The following PIK3C2A variants were observed in gnomAD, a reference collection of about 807,000 sequenced individuals.
PIK3C2A encodes the protein phosphatidylinositol-4-phosphate 3-kinase catalytic subunit type 2 alpha.
Under a neutral mutation model 204.5 loss-of-function variants are expected in PIK3C2A, and 97 were observed. The ratio of observed to expected loss-of-function variants is 0.47; its 90% CI spans 0.40 to 0.56. PIK3C2A has a LOEUF of 0.56. Ranked by LOEUF, PIK3C2A falls within the 20% of genes least tolerant of loss-of-function variation. The pLI is 0.00. For missense variants in PIK3C2A, 1,735 were observed against 1,969.2 expected (o/e 0.88, Z 2.25); for synonymous variants, 653 against 664.4 (o/e 0.98, Z 0.26).
chr11:17,110,633 T>A, intron 21 of PIK3C2A, 72 bp from the exon 22 acceptor site: 1 of 1,412,730 alleles, frequency 7.1e-7, no homozygotes, highest in South Asian at 1.3e-5. Flanking sequence ...CTATGAAAGC[T>A]GTAATCCCAG....
chr11:17,132,549 T>C (rs886699905), intron 11 of PIK3C2A, among the ~76,000 whole-genome samples: 17 of 151,864 alleles, frequency 1.1e-4, no homozygotes, highest in Admixed American at 1.1e-3. Flanking sequence ...CAGGATGGTC[T>C]TGATCTCCTG....
intron 20 of PIK3C2A, among the ~76,000 whole-genome samples, 163 bp from the exon 21 acceptor site, chr11:17,112,829 A>T (rs972053190): frequency 6.6e-6 from 1 of 151,066 alleles, no homozygotes; most frequent in Non-Finnish European, 1.5e-5. Flanking sequence ...TTTGTTACCC[A>T]GGCTGGAATG....
intron 1 of PIK3C2A, among the ~76,000 whole-genome samples, chr11:17,179,344 T>C (rs679201): frequency 0.24 from 35,967 of 151,944 alleles, 5,313 homozygotes; most frequent in East Asian, 0.38. Flanking sequence ...AAATTTTTTA[T>C]AGAGACAGGG....
intron 5 of PIK3C2A, chr11:17,148,444 CCTT>C (rs1273436814): frequency 2.1e-6 from 1 of 484,148 alleles, no homozygotes; most frequent in Non-Finnish European, 3.7e-6. Flanking sequence ...ACTACAAGCT[CCTT>C]AAGGGAATAC....
chr11:17,091,264 G>A lies in PIK3C2A; in HGVS notation c.4878+70C>T, dbSNP rs528174068. On this transcript the variant is annotated intron_variant, in intron 32 of 32. Coordinates refer to ENST00000691414, the MANE Select transcript of PIK3C2A (RefSeq NM_002645.4). ...AAACTTGCACATCCTGCTTACGCAC[G>A]TCAGAACTTAAAAATGAAAATTAAA... 8.7e-5 allele frequency: 123 copies of A among 1,413,472 alleles called. 2 individuals carry two copies. In the South Asian group the frequency reaches 1.2e-3, roughly 14 times the overall value. 87.6% of individuals were successfully genotyped at this position (1,413,472 alleles called of 1,614,324 possible). A position where few individuals can be genotyped will look rare whatever the true frequency, so the allele number is the denominator to read the frequency against.
chr11:17,119,271 A>T lies in PIK3C2A; in HGVS notation c.2889T>A (p.Ile963=), dbSNP rs753826499. ...TTAGCTCATCATCACTAATGGCCTC[A>T]ATCCAGGTCACAGCTAGGGATCTTA... ...QEVRSLAVTW[I]EAISDDELTD... Residue 963 remains isoleucine (I), a synonymous_variant, in exon 17 of 33, where the codon ATT becomes ATA. Coordinates refer to ENST00000691414, the MANE Select transcript of PIK3C2A (RefSeq NM_002645.4). 3.1e-6 allele frequency: 5 copies of T among 1,609,868 alleles called. No individual in the cohort carries two copies. Among genetic ancestry groups the T allele is most frequent in the Non-Finnish European group, 4.2e-6 (5 of 1,176,830 alleles).
intron 1 of PIK3C2A, among the ~76,000 whole-genome samples, chr11:17,187,139 A>G (rs545972080): frequency 7.7e-4 from 117 of 152,300 alleles, no homozygotes; most frequent in African/African-American, 2.7e-3. Flanking sequence ...CTGAAGACCT[A>G]AAGTCATGGA....
chr11:17,103,668 T>C (rs1848715567), intron 23 of PIK3C2A, among the ~76,000 whole-genome samples: 1 of 152,202 alleles, frequency 6.6e-6, no homozygotes, highest in South Asian at 2.1e-4. Context: ...CAACAATCAA[T>C]GACTTAGGTA....
At chr11:17,171,064 C>A (rs1044695156) in intron 1 of PIK3C2A, among the ~76,000 whole-genome samples, 7 of 152,118 alleles carry the variant, frequency 4.6e-5, no homozygotes, top group Non-Finnish European at 1.0e-4. Flanking sequence ...GATCACGTCA[C>A]TGCATTCCAG....
intron 22 of PIK3C2A, among the ~76,000 whole-genome samples, chr11:17,107,078 C>G (rs1848845127): frequency 6.6e-6 from 1 of 152,134 alleles, no homozygotes; most frequent in Admixed American, 6.6e-5. Flanking sequence ...CTTTGGGAGG[C>G]CGAGGCGGGC....
chr11:17,163,082 G>C (rs1850834364), intron 2 of PIK3C2A, among the ~76,000 whole-genome samples: 1 of 152,138 alleles, frequency 6.6e-6, no homozygotes, highest in Non-Finnish European at 1.5e-5. Context: ...GAGGCGGGTG[G>C]ATCACTTGAG....
At chr11:17,131,662 C>A (rs1165981997) in intron 12 of PIK3C2A, among the ~76,000 whole-genome samples, 1 of 152,108 alleles carries the variant, frequency 6.6e-6, no homozygotes, top group Non-Finnish European at 1.5e-5. Flanking sequence ...ACCTCATGAT[C>A]CGCCCGCCTT....
intron 2 of PIK3C2A, among the ~76,000 whole-genome samples, chr11:17,160,827 A>C (rs1850749691): frequency 6.6e-6 from 1 of 152,204 alleles, no homozygotes; most frequent in Non-Finnish European, 1.5e-5. Flanking sequence ...CTGCCTTAAC[A>C]AAACCAAACC....
intron 2 of PIK3C2A, among the ~76,000 whole-genome samples, chr11:17,158,529 G>A (rs1241040550): frequency 1.3e-5 from 2 of 151,870 alleles, no homozygotes; most frequent in Non-Finnish European, 2.9e-5. Context: ...GCTAATATAG[G>A]CAGAGTGTGA....
intron 32 of PIK3C2A, 103 bp from the exon 33 acceptor site, chr11:17,090,023 A>G: frequency 1.3e-6 from 1 of 778,258 alleles, no homozygotes; most frequent in South Asian, 1.7e-5. Flanking sequence ...AAGAGTGACC[A>G]CAATGAGTGA....
chr11:17,136,197 A>G (rs560876165), intron 9 of PIK3C2A, among the ~76,000 whole-genome samples: 16 of 152,250 alleles, frequency 1.1e-4, no homozygotes, highest in South Asian at 4.1e-4. Context: ...TCTAAGCTCA[A>G]TATCTATCCT....
At chr11:17,145,474 G>A (rs1850207664) in intron 8 of PIK3C2A, among the ~76,000 whole-genome samples, 194 bp downstream of exon 8, 1 of 152,120 alleles carries the variant, frequency 6.6e-6, no homozygotes, top group South Asian at 2.1e-4. Flanking sequence ...CTTCTTCCAT[G>A]ATTTAAGTTT....
chr11:17,090,778 T>TG (rs1848285149), intron 32 of PIK3C2A, among the ~76,000 whole-genome samples: 1 of 152,124 alleles, frequency 6.6e-6, no homozygotes, highest in Admixed American at 6.6e-5. Flanking sequence ...CTCACTCTGT[T>TG]GCCCAGTCTG....
intron 11 of PIK3C2A, among the ~76,000 whole-genome samples, chr11:17,132,887 C>T (rs1037985183): frequency 1.3e-5 from 2 of 152,124 alleles, no homozygotes; most frequent in African/African-American, 2.4e-5. Flanking sequence ...ATTGCAGTGA[C>T]TCAGCCACTA....
Sources: allele counts gnomAD v4.1 joint callset (sites outside exome capture counted in the v4.1 genomes callset), GRCh38; gene constraint gnomAD v4.1.1; transcripts MANE v1.5; gene names NCBI Gene and HGNC (gene_info 2026-07-23, HGNC 2026-07-21).